Variants in NOVA1 observed in about 807,000 individuals in gnomAD.
The protein encoded by NOVA1 is NOVA alternative splicing regulator 1, also known as RNA-binding protein Nova-1.
Under a neutral mutation model 38.0 loss-of-function variants are expected in NOVA1, and 7 were observed. That is an observed-to-expected ratio of 0.18 (90% CI 0.10 to 0.35). NOVA1 has a LOEUF of 0.35. Among genes scored for constraint, NOVA1 ranks in the 10% least tolerant of loss-of-function variants. The pLI, the probability that NOVA1 is intolerant of heterozygous loss-of-function variation, is 1.00. For missense variants in NOVA1, 460 were observed against 616.0 expected (o/e 0.75, Z 2.68); for synonymous variants, 270 against 232.5 (o/e 1.16, Z -1.47).
intron 2 of NOVA1, among the ~76,000 whole-genome samples, chr14:26,578,094 T>A (rs1430639242): frequency 6.6e-6 from 1 of 151,906 alleles, no homozygotes; most frequent in Non-Finnish European, 1.5e-5. Context: ...GAGACAGTGA[T>A]CACTGTGTCA....
chr14:26,500,554 T>C (rs1337631625), intron 2 of NOVA1, among the ~76,000 whole-genome samples: 1 of 151,786 alleles, frequency 6.6e-6, no homozygotes, highest in Non-Finnish European at 1.5e-5. Context: ...ATGTCTCTTT[T>C]AAGAAGAGTG....
chr14:26,549,750 C>T (rs1891052349), intron 2 of NOVA1: 6 of 1,288,674 alleles, frequency 4.7e-6, no homozygotes, highest in Non-Finnish European at 6.1e-6. Context: ...CTGTACAGCA[C>T]CATGTACAAT....
chr14:26,456,977 A>G (rs1019827182), intron 4 of NOVA1, among the ~76,000 whole-genome samples: 2 of 145,512 alleles, frequency 1.4e-5, no homozygotes, highest in Admixed American at 6.8e-5. Flanking sequence ...ACACACACAC[A>G]CATATATATA....
chr14:26,497,869 C>T (rs1886934356), intron 2 of NOVA1, among the ~76,000 whole-genome samples: 1 of 151,966 alleles, frequency 6.6e-6, no homozygotes, highest in East Asian at 1.9e-4. Context: ...CCCAGACATA[C>T]CAGGAATGGC....
chr14:26,587,007 A>G (rs1893558642), intron 2 of NOVA1, among the ~76,000 whole-genome samples: 1 of 150,412 alleles, frequency 6.6e-6, no homozygotes, highest in Non-Finnish European at 1.5e-5. Flanking sequence ...AAGGGAGGGA[A>G]AAAAAAAGTA....
chr14:26,576,926 T>C (rs971916747), intron 2 of NOVA1, among the ~76,000 whole-genome samples: 1 of 152,000 alleles, frequency 6.6e-6, no homozygotes, highest in East Asian at 1.9e-4. Context: ...CAATATTAAC[T>C]ATATCCTCAT....
chr14:26,456,964 T>C (rs907224172), intron 4 of NOVA1, among the ~76,000 whole-genome samples: 11 of 143,538 alleles, frequency 7.7e-5, no homozygotes, highest in South Asian at 4.3e-4. Context: ...CACAAATATA[T>C]ACACACACAC....
chr14:26,523,642 T>A (rs1443104488), intron 2 of NOVA1, among the ~76,000 whole-genome samples: 1 of 152,130 alleles, frequency 6.6e-6, no homozygotes, highest in African/African-American at 2.4e-5. Context: ...GGTTGTATAC[T>A]AATACATTTT....
At chr14:26,520,231 T>C (rs1888769933) in intron 2 of NOVA1, among the ~76,000 whole-genome samples, 1 of 152,168 alleles carries the variant, frequency 6.6e-6, no homozygotes, top group East Asian at 1.9e-4. Context: ...CATTTCTTTC[T>C]ACATAAACAC....
At chr14:26,535,978 C>CA (rs533259615) in intron 2 of NOVA1, among the ~76,000 whole-genome samples, 11,813 of 74,806 alleles carry the variant, frequency 0.16, 827 homozygotes, top group Admixed American at 0.27. Context: ...GACTCCGTCT[C>CA]AAAAAAAAAA....
intron 2 of NOVA1, among the ~76,000 whole-genome samples, chr14:26,595,009 C>A (rs1894095522): frequency 6.6e-6 from 1 of 152,084 alleles, no homozygotes. Flanking sequence ...ATGGTCCATT[C>A]TTTAAGAAGC....
intron 2 of NOVA1, among the ~76,000 whole-genome samples, chr14:26,565,923 T>C (rs181337399): frequency 3.2e-4 from 49 of 152,226 alleles, no homozygotes; most frequent in Admixed American, 9.2e-4. Context: ...AGAAAAGTGA[T>C]CTATGTTTGT....
chr14:26,523,986 C>T (rs542592493), intron 2 of NOVA1, among the ~76,000 whole-genome samples: 2 of 152,028 alleles, frequency 1.3e-5, no homozygotes, highest in African/African-American at 4.8e-5. Context: ...CTCCTGACCT[C>T]GTGATCTGCC....
At chr14:26,574,175 GT>G (rs1434196964) in intron 2 of NOVA1, among the ~76,000 whole-genome samples, 7 of 150,108 alleles carry the variant, frequency 4.7e-5, no homozygotes, top group African/African-American at 1.7e-4. Context: ...ACAGGCACCT[GT>G]TACCACGCCT....
Position 26,472,676 on chromosome 14 carries a change from T to C in NOVA1, c.448-285A>G, listed in dbSNP as rs188543221. Among the ~76,000 whole-genome samples, 15 of 151,880 alleles carry C rather than the reference T, an allele frequency of 9.9e-5. No homozygotes were observed. The East Asian group carries it at 2.9e-3, about 29-fold the overall frequency. On this transcript the variant is annotated intron_variant, in intron 3 of 4. Coordinates refer to ENST00000539517, the MANE Select transcript of NOVA1 (RefSeq NM_002515.3). ...AAAGTATCCTGACCATATTCATGAA[T>C]AGTAGTTTCATTTCTTTCCCTCTTG...
intron 1 of NOVA1, 122 bp from the exon 2 acceptor site, chr14:26,595,675 A>T: frequency 1.3e-6 from 1 of 749,650 alleles, no homozygotes; most frequent in South Asian, 2.3e-5. Context: ...GGAAATATGA[A>T]GTTAAACATT....
Position 26,597,406 on chromosome 14 carries a change from C to T in NOVA1, c.31G>A (p.Gly11Arg). MMAAAPIQQNGTHTGVPIDLD... is the reference protein window; with the variant it reads MMAAAPIQQNRTHTGVPIDLD... ...TCTATGGGAACCCCAGTGTGGGTCC[C>T]GTTCTGCTGGATGGGAGCTGCCGCC... The change falls in exon 1 of 5, where the codon GGG becomes AGG. Residue 11 changes from glycine to arginine, a missense_variant. Transcript: ENST00000539517. 7.8e-7 allele frequency: 1 copy of T among 1,284,884 alleles called. No homozygotes were observed. The highest frequency in any genetic ancestry group is 2.9e-5 in the East Asian group (1 of 34,866). 79.6% of individuals were successfully genotyped at this position (1,284,884 alleles called of 1,614,324 possible).
intron 2 of NOVA1, among the ~76,000 whole-genome samples, chr14:26,555,883 AC>A (rs1487210809): frequency 6.6e-6 from 1 of 152,192 alleles, no homozygotes; most frequent in Non-Finnish European, 1.5e-5. Context: ...AACGTTTCTT[AC>A]AATTGTGCAA....
At chr14:26,553,474 T>G (rs1426267229) in intron 2 of NOVA1, among the ~76,000 whole-genome samples, 4 of 152,122 alleles carry the variant, frequency 2.6e-5, no homozygotes, top group African/African-American at 9.7e-5. Flanking sequence ...GGAAGACTGG[T>G]ATCTCACCTC....
Sources: allele counts gnomAD v4.1 joint callset (sites outside exome capture counted in the v4.1 genomes callset), GRCh38; gene constraint gnomAD v4.1.1; transcripts MANE v1.5; gene names NCBI Gene and HGNC (gene_info 2026-07-23, HGNC 2026-07-21).